MMP26: variants seen among roughly 807,000 people sequenced by gnomAD.
MMP26 encodes the protein matrix metallopeptidase 26.
Under a neutral mutation model 31.0 loss-of-function variants are expected in MMP26, and 33 were observed. That is an observed-to-expected ratio of 1.06 (90% confidence interval 0.81 to 1.42). The LOEUF is 1.42. MMP26 is among the 40% of genes most tolerant of loss of function. The pLI, the probability that MMP26 is intolerant of heterozygous loss-of-function variation, is 0.00. For missense variants in MMP26, 347 were observed against 316.1 expected (o/e 1.10, Z -0.74); for synonymous variants, 122 against 114.9 (o/e 1.06, Z -0.40).
chr11:4,887,430 A>C (rs1850559654), intron 2 of MMP26, among the ~76,000 whole-genome samples: 1 of 152,148 alleles, frequency 6.6e-6, no homozygotes, highest in Non-Finnish European at 1.5e-5. Flanking sequence ...TTATGACCTG[A>C]GTCATTTCCA....
intron 2 of MMP26, among the ~76,000 whole-genome samples, chr11:4,979,152 T>C (rs778263164): frequency 2.6e-5 from 4 of 152,040 alleles, no homozygotes; most frequent in Non-Finnish European, 5.9e-5. Flanking sequence ...AGCAAAATAA[T>C]GGGCAGCAAC....
At chr11:4,766,034 C>G (rs1848624340) in intron 1 of MMP26, among the ~76,000 whole-genome samples, 1 of 152,162 alleles carries the variant, frequency 6.6e-6, no homozygotes, top group Non-Finnish European at 1.5e-5. Context: ...AAATAAATGT[C>G]CCTACATTGA....
chr11:4,883,238 T>TTTTTTTTTTCCCATCCAGCTGAACAA (rs1491505904), intron 2 of MMP26, among the ~76,000 whole-genome samples: 268 of 10,556 alleles, frequency 0.025, 1 homozygote, highest in African/African-American at 0.05. Flanking sequence ...AGCTGAACAA[T>TTTTTTTTTTCCCATCCAGCTGAACAA]TTTTTTTTTT....
chr11:4,895,949 T>A (rs1174112546), intron 2 of MMP26, among the ~76,000 whole-genome samples: 1 of 152,176 alleles, frequency 6.6e-6, no homozygotes, highest in African/African-American at 2.4e-5. Flanking sequence ...TAGTGCCTTT[T>A]AAAATTTTCA....
intron 1 of MMP26, among the ~76,000 whole-genome samples, chr11:4,729,368 G>C (rs1848143243): frequency 6.6e-6 from 1 of 152,130 alleles, no homozygotes; most frequent in South Asian, 2.1e-4. Flanking sequence ...AATCTCCTTG[G>C]TGTTATTGGA....
intron 1 of MMP26, among the ~76,000 whole-genome samples, chr11:4,708,109 T>C (rs1182536497): frequency 1.3e-5 from 2 of 152,206 alleles, no homozygotes; most frequent in African/African-American, 4.8e-5. Flanking sequence ...AGGAGTCATT[T>C]TCCCTAGGAT....
At chr11:4,854,928 C>T (rs755979805) in intron 2 of MMP26, among the ~76,000 whole-genome samples, 25 of 152,294 alleles carry the variant, frequency 1.6e-4, no homozygotes, top group Non-Finnish European at 2.4e-4. Flanking sequence ...CTGCAGCCTC[C>T]GCTGGTGATA....
At chr11:4,829,942 G>C (rs1440254436) in intron 2 of MMP26, among the ~76,000 whole-genome samples, 1 of 152,128 alleles carries the variant, frequency 6.6e-6, no homozygotes, top group African/African-American at 2.4e-5. Flanking sequence ...ACCTGTGTGG[G>C]AACAGGATCA....
chr11:4,775,667 C>T (rs1848781374), intron 2 of MMP26, among the ~76,000 whole-genome samples: 1 of 151,752 alleles, frequency 6.6e-6, no homozygotes, highest in African/African-American at 2.4e-5. Flanking sequence ...TGGTGAGGGC[C>T]TCATGTTGCT....
intron 2 of MMP26, chr11:4,909,443 T>A (rs1850956770): frequency 6.6e-6 from 1 of 152,126 alleles, no homozygotes; most frequent in African/African-American, 2.4e-5. Context: ...TCTTGAGGAT[T>A]TGGCATAGGT....
chr11:4,768,307 T>C lies in MMP26; in HGVS notation c.-145+966T>C, dbSNP rs148157710. Among the ~76,000 whole-genome samples the C allele has an allele frequency of 3.6e-3, 542 of 152,304 alleles. 2 individuals carry two copies. Among genetic ancestry groups the C allele is most frequent in the Non-Finnish European group, 5.7e-3 (389 of 68,032 alleles). On this transcript the variant is annotated intron_variant, in intron 2 of 7. Coordinates refer to ENST00000380390, the MANE Select transcript of MMP26 (RefSeq NM_021801.5). ...AGCTTTTCTTTGGACTGTCCAACAC[T>C]GGATAGTGACTCACATGCCATGACA...
At chr11:4,907,575 C>G (rs2133565872) in intron 2 of MMP26, 1 of 1,614,082 alleles carries the variant, frequency 6.2e-7, no homozygotes, top group Non-Finnish European at 8.5e-7. Context: ...TTGGCTGTCT[C>G]TGACATGGGC....
At chr11:4,719,208 A>C (rs1847977282) in intron 1 of MMP26, 2 of 154,726 alleles carry the variant, frequency 1.3e-5, no homozygotes, top group African/African-American at 2.4e-5. Context: ...TCAACAGTGC[A>C]GTTGGGCTGA....
chr11:4,986,037 T>C (rs747514642), intron 2 of MMP26, among the ~76,000 whole-genome samples: 1 of 152,174 alleles, frequency 6.6e-6, no homozygotes, highest in Non-Finnish European at 1.5e-5. Flanking sequence ...TGCTGTTGAG[T>C]AGTAACCATC....
At chr11:4,959,757 T>C (rs1284039974) in intron 2 of MMP26, among the ~76,000 whole-genome samples, 2 of 152,220 alleles carry the variant, frequency 1.3e-5, no homozygotes, top group Non-Finnish European at 2.9e-5. Context: ...CTTAGAGGTT[T>C]ATTTTGCATA....
At chr11:4,858,647 C>T (rs1850094189) in intron 2 of MMP26, among the ~76,000 whole-genome samples, 1 of 152,126 alleles carries the variant, frequency 6.6e-6, no homozygotes, top group Admixed American at 6.5e-5. Flanking sequence ...GCCATACTGC[C>T]CAAAGTAATT....
rs200751482 is a variant in MMP26, at chr11:4,914,934, T to C, written c.-144-73134T>C. Reference sequence around the variant, plus strand: ...GCACAGATGTGGGAAACACAGGTGTTAAGGGCCTTGAATCTCTCAGCCCTG... The same window carrying C: ...GCACAGATGTGGGAAACACAGGTGTCAAGGGCCTTGAATCTCTCAGCCCTG... On this transcript the variant is annotated intron_variant, in intron 2 of 7. Transcript: ENST00000380390. The C allele has an allele frequency of 1.4e-5, 22 of 1,613,942 alleles. No individual in the cohort carries two copies. The highest frequency in any genetic ancestry group is 1.8e-5 in the Non-Finnish European group (21 of 1,180,006).
intron 2 of MMP26, among the ~76,000 whole-genome samples, chr11:4,891,649 T>C (rs1274626089): frequency 6.6e-6 from 1 of 152,178 alleles, no homozygotes; most frequent in African/African-American, 2.4e-5. Context: ...CCCTCTCCTA[T>C]AGCATAGTGA....
chr11:4,968,263 A>G (rs1286364715), intron 2 of MMP26, among the ~76,000 whole-genome samples: 1 of 152,142 alleles, frequency 6.6e-6, no homozygotes, highest in Non-Finnish European at 1.5e-5. Context: ...GACAATACAA[A>G]TATAACCTAG....
Sources: allele counts gnomAD v4.1 joint callset (sites outside exome capture counted in the v4.1 genomes callset), GRCh38; gene constraint gnomAD v4.1.1; transcripts MANE v1.5; gene names NCBI Gene and HGNC (gene_info 2026-07-23, HGNC 2026-07-21).